Variants in NBEA observed in about 807,000 individuals in gnomAD.
The protein encoded by NBEA is lysosomal-trafficking regulator 2.
Under a neutral mutation model 343.4 loss-of-function variants are expected in NBEA, and 44 were observed. The observed-to-expected ratio is 0.13, with a 90% CI of 0.10 to 0.16. The LOEUF (loss-of-function observed/expected upper bound fraction) is 0.16, where lower values mean the gene tolerates loss of function less well. Among genes scored for constraint, NBEA ranks in the 10% least tolerant of loss-of-function variants. The probability of loss-of-function intolerance (pLI) is 1.00; values close to 1 mark genes in which losing one functional copy is unlikely to be tolerated. For missense variants in NBEA, 2,555 were observed against 3,631.3 expected, an observed-to-expected ratio of 0.70 and a Z score of 7.62; for synonymous variants, 1,175 against 1,238.7, an observed-to-expected ratio of 0.95 and a Z score of 1.08.
chr13:35,004,589 G>T (rs2061253760), intron 1 of NBEA, among the ~76,000 whole-genome samples: 1 of 152,082 alleles, frequency 6.6e-6, no homozygotes, highest in African/African-American at 2.4e-5. Flanking sequence ...ATCCCATTTT[G>T]GAAGCAGTTC....
At chr13:35,265,168 A>G (rs1298771602) in intron 34 of NBEA, among the ~76,000 whole-genome samples, 1 of 151,932 alleles carries the variant, frequency 6.6e-6, no homozygotes, top group African/African-American at 2.4e-5. Flanking sequence ...ATGCTTAGGA[A>G]TGTGTTTAAA....
chr13:35,240,973 C>T (rs949338941), intron 34 of NBEA, among the ~76,000 whole-genome samples: 2 of 151,588 alleles, frequency 1.3e-5, no homozygotes, highest in Admixed American at 6.6e-5. Flanking sequence ...TATAAAAATT[C>T]TTGAATGACG....
intron 41 of NBEA, among the ~76,000 whole-genome samples, chr13:35,514,181 A>AT (rs2077392778): frequency 6.6e-6 from 1 of 151,998 alleles, no homozygotes; most frequent in Non-Finnish European, 1.5e-5. Context: ...AGTTGGGAAG[A>AT]CTGCATGAGT....
chr13:35,136,335 T>G (rs552488863), intron 17 of NBEA, among the ~76,000 whole-genome samples: 1 of 152,314 alleles, frequency 6.6e-6, no homozygotes, highest in East Asian at 1.9e-4. Flanking sequence ...TGAAAATAGT[T>G]CTTTTTTGAA....
At chr13:35,295,023 A>G (rs2036030679) in intron 35 of NBEA, among the ~76,000 whole-genome samples, 1 of 151,278 alleles carries the variant, frequency 6.6e-6, no homozygotes, top group South Asian at 2.1e-4. Context: ...CACACATAAC[A>G]TACACTAACA....
intron 1 of NBEA, among the ~76,000 whole-genome samples, chr13:35,005,323 G>T (rs564131952): frequency 6.6e-6 from 1 of 151,796 alleles, no homozygotes; most frequent in Non-Finnish European, 1.5e-5. Context: ...TTCAAAGCTT[G>T]TGGTTCCTTC....
chr13:35,002,757 A>G (rs2061185152), intron 1 of NBEA, among the ~76,000 whole-genome samples: 1 of 152,220 alleles, frequency 6.6e-6, no homozygotes, highest in Non-Finnish European at 1.5e-5. Flanking sequence ...TTCCTGTAGT[A>G]TACAAATCTG....
At chr13:35,639,577 G>T (rs1361545411) in intron 49 of NBEA, among the ~76,000 whole-genome samples, 1 of 152,054 alleles carries the variant, frequency 6.6e-6, no homozygotes, top group African/African-American at 2.4e-5. Context: ...GTTTAAAAAA[G>T]AGCACTTTTA....
intron 1 of NBEA, among the ~76,000 whole-genome samples, chr13:35,004,407 A>C (rs527383159): frequency 6.6e-6 from 1 of 152,280 alleles, no homozygotes; most frequent in South Asian, 2.1e-4. Flanking sequence ...ATGGTCTTCA[A>C]GTCTTTTGTA....
intron 11 of NBEA, among the ~76,000 whole-genome samples, chr13:35,104,053 CT>C (rs2152648257): frequency 6.6e-6 from 1 of 151,974 alleles, no homozygotes; most frequent in South Asian, 2.1e-4. Context: ...TCTTCCCACT[CT>C]TCTTGCTTTC....
At chr13:35,100,862 C>G (rs1289343854) in intron 11 of NBEA, among the ~76,000 whole-genome samples, 1 of 151,904 alleles carries the variant, frequency 6.6e-6, no homozygotes, top group Non-Finnish European at 1.5e-5. Context: ...CCCTATGTCT[C>G]TTCATGATTC....
intron 53 of NBEA, 46 bp from the exon 54 acceptor site, chr13:35,654,809 C>G (rs761995185): frequency 1.3e-6 from 2 of 1,501,594 alleles, no homozygotes; most frequent in Non-Finnish European, 1.8e-6. Flanking sequence ...CTTGGCAAAA[C>G]TCATATGGAA....
intron 41 of NBEA, among the ~76,000 whole-genome samples, chr13:35,511,781 C>T (rs2077286529): frequency 1.3e-5 from 2 of 151,962 alleles, no homozygotes; most frequent in South Asian, 4.2e-4. Flanking sequence ...TAAATTATCC[C>T]ATATCTTGTT....
At chr13:35,428,757 G>A (rs2044884860) in intron 38 of NBEA, among the ~76,000 whole-genome samples, 1 of 152,104 alleles carries the variant, frequency 6.6e-6, no homozygotes, top group Non-Finnish European at 1.5e-5. Flanking sequence ...TATTTTCCAG[G>A]TTCTTGATAT....
At chr13:35,645,279 G>A (rs963176954) in intron 49 of NBEA, among the ~76,000 whole-genome samples, 8 of 152,150 alleles carry the variant, frequency 5.3e-5, no homozygotes, top group South Asian at 2.1e-4. Flanking sequence ...AATTAGCATG[G>A]TAGCAGAGTA....
At chr13:35,340,922 G>T (rs1029804101) in intron 36 of NBEA, among the ~76,000 whole-genome samples, 1 of 151,856 alleles carries the variant, frequency 6.6e-6, no homozygotes, top group Non-Finnish European at 1.5e-5. Context: ...AATTGCAAGA[G>T]ACATAGGATA....
At chr13:35,054,921 G>T (rs530930733) in intron 6 of NBEA, among the ~76,000 whole-genome samples, 135 of 152,010 alleles carry the variant, frequency 8.9e-4, no homozygotes, top group African/African-American at 2.7e-3. Flanking sequence ...TGGGATTACA[G>T]GTATGAGCCA....
At chr13:35,393,296 A>C (rs1178923035) in intron 38 of NBEA, among the ~76,000 whole-genome samples, 1 of 152,150 alleles carries the variant, frequency 6.6e-6, no homozygotes, top group Non-Finnish European at 1.5e-5. Flanking sequence ...ACTAAATGTA[A>C]AATTGTAGAG....
At chr13:35,004,835 A>G (rs905914662) in intron 1 of NBEA, among the ~76,000 whole-genome samples, 1 of 152,214 alleles carries the variant, frequency 6.6e-6, no homozygotes, top group Admixed American at 6.5e-5. Flanking sequence ...AGCATCGAAA[A>G]GGATATTAAT....
Sources: gnomAD v4.1 joint callset for allele counts (sites outside exome capture counted in the v4.1 genomes callset) on GRCh38, gnomAD v4.1.1 for gene constraint, MANE v1.5 for transcripts, NCBI Gene and HGNC (gene_info 2026-07-23, HGNC 2026-07-21) for gene names.